Variants in STRBP observed in about 807,000 individuals in gnomAD.
STRBP encodes spermatid perinuclear RNA binding protein, also known as spermatid perinuclear RNA-binding protein.
A neutral mutation model predicts 80.1 loss-of-function variants in STRBP; 13 were observed. The ratio of observed to expected loss-of-function variants is 0.16; its 90% CI spans 0.11 to 0.26. The LOEUF is 0.26. STRBP is among the 10% of genes least tolerant of loss of function. STRBP has a pLI of 1.00. For missense variants in STRBP, 485 were observed against 815.2 expected (o/e 0.59, Z 4.93); for synonymous variants, 284 against 291.2 (o/e 0.98, Z 0.25).
downstream of STRBP, among the ~76,000 whole-genome samples, chr9:123,121,094 C>T (rs1457400582): frequency 3.3e-5 from 5 of 152,162 alleles, no homozygotes; most frequent in African/African-American, 1.2e-4. Flanking sequence ...AGGCACTGGG[C>T]TGTTTCAGCA....
rs372743955 is a variant in STRBP, at chr9:123,136,215, A to T, written c.1633-34T>A. On this transcript the variant is annotated intron_variant, in intron 15 of 18. Transcript: ENST00000348403. The surrounding 1 kb of genome is among the most constrained non-coding windows in gnomAD (Gnocchi z 4.2). ...AAGAATAACACCTTGCAATTATCCCATGCAATTCCTCTATGTCCTTTTAAT... is the reference window on the plus strand; with the variant it reads ...AAGAATAACACCTTGCAATTATCCCTTGCAATTCCTCTATGTCCTTTTAAT... 17 of 1,612,758 alleles carry T rather than the reference A, an allele frequency of 1.1e-5. No homozygotes were observed. The highest frequency in any genetic ancestry group is 1.4e-5 in the Non-Finnish European group (17 of 1,179,550).
chr9:123,236,110 T>C (rs2040554130), intron 2 of STRBP, among the ~76,000 whole-genome samples: 2 of 152,166 alleles, frequency 1.3e-5, no homozygotes. Context: ...CCTTCTAGTG[T>C]CAGCAAGGAG....
At chr9:123,246,370 G>A (rs545638455) in intron 1 of STRBP, among the ~76,000 whole-genome samples, 1 of 152,294 alleles carries the variant, frequency 6.6e-6, no homozygotes, top group East Asian at 1.9e-4. Context: ...CATCCGGGCA[G>A]CAGTGGCTAA....
intron 1 of STRBP, among the ~76,000 whole-genome samples, chr9:123,249,843 T>C (rs1233980959): frequency 6.6e-6 from 1 of 152,222 alleles, no homozygotes; most frequent in Non-Finnish European, 1.5e-5. Context: ...GAAGGCACTA[T>C]GTTTCTTTTC....
chr9:123,144,165 T>C (rs2036709650), intron 13 of STRBP, among the ~76,000 whole-genome samples: 1 of 137,346 alleles, frequency 7.3e-6, no homozygotes, highest in Admixed American at 7.8e-5. Context: ...ACCACTGCCC[T>C]CCAGCCTGGG....
chr9:123,267,249 T>TC (rs2132668437), intron 1 of STRBP, among the ~76,000 whole-genome samples: 1 of 148,530 alleles, frequency 6.7e-6, no homozygotes, highest in African/African-American at 2.5e-5. Context: ...CAAAATTCCC[T>TC]CTCTTGCTGA....
At chr9:123,256,263 C>T (rs1439523481) in intron 1 of STRBP, among the ~76,000 whole-genome samples, 1 of 151,994 alleles carries the variant, frequency 6.6e-6, no homozygotes, top group Non-Finnish European at 1.5e-5. Flanking sequence ...AACTGATCCT[C>T]CGCCTTGGTG....
At chr9:123,248,117 G>C (rs575987117) in intron 1 of STRBP, among the ~76,000 whole-genome samples, 1 of 152,118 alleles carries the variant, frequency 6.6e-6, no homozygotes, top group South Asian at 2.1e-4. Context: ...TCCAAAGCAA[G>C]GTATCTGAGT....
At chr9:123,149,763 T>C (rs1310769984) in intron 11 of STRBP, among the ~76,000 whole-genome samples, 4 of 152,210 alleles carry the variant, frequency 2.6e-5, no homozygotes, top group Non-Finnish European at 5.9e-5. Context: ...ACTTATTTAA[T>C]CCTCATGAGC....
chr9:123,255,952 G>T (rs1201501176), intron 1 of STRBP, among the ~76,000 whole-genome samples: 10 of 151,134 alleles, frequency 6.6e-5, no homozygotes, highest in Non-Finnish European at 1.2e-4. Context: ...TAGTTGTCAG[G>T]CTTGTTGCTC....
intron 1 of STRBP, among the ~76,000 whole-genome samples, chr9:123,259,472 C>T (rs1227524726): frequency 7.2e-5 from 11 of 151,984 alleles, no homozygotes; most frequent in African/African-American, 2.4e-4. Context: ...TTTGGGAGGC[C>T]GAGGCGGGTG....
chr9:123,143,207 T>G (rs1023157102), intron 13 of STRBP, among the ~76,000 whole-genome samples: 1 of 152,228 alleles, frequency 6.6e-6, no homozygotes, highest in Non-Finnish European at 1.5e-5. Context: ...CTTCATCCCC[T>G]TCTAGCTGAT....
chr9:123,231,140 A>G (rs1457333732), intron 2 of STRBP, among the ~76,000 whole-genome samples: 1 of 152,138 alleles, frequency 6.6e-6, no homozygotes, highest in East Asian at 1.9e-4. Context: ...GGTGGGATCC[A>G]GGTTATCAGT....
At chr9:123,195,755 T>A (rs1280420668) in intron 2 of STRBP, among the ~76,000 whole-genome samples, 1 of 152,144 alleles carries the variant, frequency 6.6e-6, no homozygotes, top group Non-Finnish European at 1.5e-5. Context: ...TCAATATTGT[T>A]AAAATGTCCA....
At chr9:123,135,888 T>C (rs2036333458) in intron 16 of STRBP, 153 bp downstream of exon 16, 2 of 847,382 alleles carry the variant, frequency 2.4e-6, no homozygotes, top group Non-Finnish European at 3.6e-6. Flanking sequence ...ATCAAATTTA[T>C]ATTATTCGTG....
chr9:123,189,085 T>C (rs985232340), intron 2 of STRBP, among the ~76,000 whole-genome samples: 5 of 151,952 alleles, frequency 3.3e-5, no homozygotes, highest in Admixed American at 3.3e-4. Flanking sequence ...ATAGACTGGA[T>C]TAAGAAAATG....
intron 1 of STRBP, among the ~76,000 whole-genome samples, chr9:123,241,071 C>G (rs1043903538): frequency 6.6e-6 from 1 of 151,120 alleles, no homozygotes; most frequent in Non-Finnish European, 1.5e-5. Context: ...CCCAGCTACT[C>G]GGGAGGCTGA....
chr9:123,173,767 A>G lies in STRBP; in HGVS notation c.300T>C (p.Asp100=), dbSNP rs752020603. 1 of 1,613,926 alleles carries G rather than the reference A, an allele frequency of 6.2e-7. No homozygotes were observed. ...LVAKGLLIKD[D]MDLELVLMCK... ...ACATTAAAACCAGCTCCAAGTCCAT[A>G]TCATCTTTAATCAGCAAGCCTTTTG... is the stretch of plus-strand genomic sequence containing the variant. The change falls in exon 5 of 19, where the codon GAT becomes GAC. Residue 100 remains aspartate, a synonymous_variant. Transcript: ENST00000348403.
chr9:123,192,053 G>A (rs2038944229), intron 2 of STRBP, among the ~76,000 whole-genome samples: 1 of 152,210 alleles, frequency 6.6e-6, no homozygotes, highest in African/African-American at 2.4e-5. Flanking sequence ...GAGGCATCAG[G>A]ATTGACTTTA....
Sources: gnomAD v4.1 joint callset for allele counts (sites outside exome capture counted in the v4.1 genomes callset) on GRCh38, gnomAD v4.1.1 for gene constraint, Gnocchi (gnomAD v3.1) non-coding constraint, MANE v1.5 for transcripts, NCBI Gene and HGNC (gene_info 2026-07-23, HGNC 2026-07-21) for gene names.